The following STK32B variants were observed in gnomAD, a reference collection of about 807,000 sequenced individuals.
STK32B encodes serine/threonine-protein kinase 32B.
A neutral mutation model predicts 52.6 loss-of-function variants in STK32B; 43 were observed. That is an observed-to-expected ratio of 0.82 (90% CI 0.64 to 1.05). The LOEUF (loss-of-function observed/expected upper bound fraction) is 1.05, where lower values mean the gene tolerates loss of function less well. Ranked by LOEUF, STK32B falls within the 50% of genes least tolerant of loss-of-function variation. The pLI, the probability that STK32B is intolerant of heterozygous loss-of-function variation, is 0.00. For synonymous variants in STK32B, 238 were observed against 204.3 expected, an observed-to-expected ratio of 1.17 and a Z score of -1.41; for missense variants, 621 against 534.6, an observed-to-expected ratio of 1.16 and a Z score of -1.59.
intron 4 of STK32B, among the ~76,000 whole-genome samples, chr4:5,372,729 G>C (rs537201991): frequency 1.3e-5 from 2 of 149,626 alleles, no homozygotes; most frequent in African/African-American, 2.5e-5. Context: ...TTGGGGGGGG[G>C]GGCGGTTATT....
intron 1 of STK32B, among the ~76,000 whole-genome samples, chr4:5,060,168 G>A (rs184161763): frequency 3.4e-4 from 51 of 152,206 alleles, no homozygotes; most frequent in Non-Finnish European, 5.7e-4. Flanking sequence ...GTTTTTCCAC[G>A]TTAGTCAGGC....
intron 3 of STK32B, among the ~76,000 whole-genome samples, chr4:5,231,222 G>A (rs1054555967): frequency 1.3e-5 from 2 of 152,148 alleles, no homozygotes; most frequent in African/African-American, 2.4e-5. Context: ...GGAAGAGATC[G>A]TACATGTCTT....
At chr4:5,312,826 G>A (rs532780335) in intron 3 of STK32B, among the ~76,000 whole-genome samples, 135 of 152,024 alleles carry the variant, frequency 8.9e-4, no homozygotes, top group African/African-American at 2.7e-3. Context: ...TGGGTCAAAT[G>A]GTGTTTCTAG....
intron 3 of STK32B, among the ~76,000 whole-genome samples, chr4:5,284,114 A>G (rs867873358): frequency 2.2e-4 from 34 of 152,302 alleles, no homozygotes; most frequent in Middle Eastern, 6.8e-3. Context: ...GAGTGAATGC[A>G]TAAGTTTTTG....
chr4:5,160,563 A>C (rs1718360220), intron 2 of STK32B, among the ~76,000 whole-genome samples: 1 of 151,870 alleles, frequency 6.6e-6, no homozygotes, highest in Non-Finnish European at 1.5e-5. Flanking sequence ...CAAATCCCAT[A>C]TCTGGTTTAG....
At position 5,415,046 on chromosome 4, in the gene STK32B, C is replaced by A. The variant is rs150081839; in HGVS notation, c.473-1799C>A. Among the ~76,000 whole-genome samples, 24 of 152,276 alleles carry A rather than the reference C, an allele frequency of 1.6e-4. No individual in the cohort carries two copies. The East Asian group carries it at 4.6e-3, about 29-fold the overall frequency. On this transcript the variant is annotated intron_variant, in intron 5 of 11. Coordinates refer to ENST00000282908, the MANE Select transcript of STK32B (RefSeq NM_018401.3). ...TACAACATACACTCACCTTCACATG[C>A]CTCAAAGTGCAAAACAGTAATGAGT...
chr4:5,287,337 T>C (rs1728615244), intron 3 of STK32B, among the ~76,000 whole-genome samples: 1 of 152,224 alleles, frequency 6.6e-6, no homozygotes, highest in South Asian at 2.1e-4. Flanking sequence ...ATTTTCATTT[T>C]AATTTGCACT....
the STK32B span, among the ~76,000 whole-genome samples, chr4:5,036,819 C>G: frequency 6.6e-6 from 1 of 151,834 alleles, no homozygotes; most frequent in African/African-American, 2.4e-5. Context: ...AGGCGCCCAC[C>G]ACCACACCCG....
intron 3 of STK32B, among the ~76,000 whole-genome samples, chr4:5,258,475 C>T (rs952753058): frequency 5.3e-5 from 8 of 152,172 alleles, no homozygotes; most frequent in South Asian, 4.1e-4. Context: ...AGAGCCTGTG[C>T]CCTGCCTCCC....
intron 4 of STK32B, among the ~76,000 whole-genome samples, chr4:5,358,362 G>A (rs1429978874): frequency 1.3e-5 from 2 of 152,178 alleles, no homozygotes; most frequent in Admixed American, 6.5e-5. Flanking sequence ...AAAGCAAGAC[G>A]ATGAATGTGG....
chr4:5,277,952 G>C (rs777278580), intron 3 of STK32B, among the ~76,000 whole-genome samples: 1 of 152,182 alleles, frequency 6.6e-6, no homozygotes, highest in Non-Finnish European at 1.5e-5. Flanking sequence ...GAGTGACCTA[G>C]AAACGAAACT....
intron 8 of STK32B, among the ~76,000 whole-genome samples, chr4:5,457,495 G>A (rs1013962471): frequency 4.0e-5 from 6 of 151,412 alleles, no homozygotes; most frequent in Admixed American, 2.0e-4. Context: ...GATTACAGGC[G>A]TGAGCCACCG....
intron 4 of STK32B, among the ~76,000 whole-genome samples, chr4:5,339,433 A>C (rs1451456880): frequency 6.6e-6 from 1 of 152,216 alleles, no homozygotes; most frequent in East Asian, 1.9e-4. Context: ...TGGTTCATAA[A>C]TCCCCCTTTC....
At chr4:5,226,622 G>A (rs1196611193) in intron 3 of STK32B, among the ~76,000 whole-genome samples, 3 of 152,202 alleles carry the variant, frequency 2.0e-5, no homozygotes, top group African/African-American at 7.2e-5. Flanking sequence ...TCAACTGTCA[G>A]AGTTTTTCAA....
intron 3 of STK32B, among the ~76,000 whole-genome samples, chr4:5,307,650 C>A (rs1484436902): frequency 1.3e-5 from 2 of 149,992 alleles, no homozygotes; most frequent in Non-Finnish European, 2.9e-5. Flanking sequence ...TCATTTGGAT[C>A]TATTGCTGGT....
rs1295442391 is a variant in STK32B, at chr4:5,051,686, C to A, written c.-178C>A. 1 of 710,322 alleles carries A rather than the reference C, an allele frequency of 1.4e-6. No homozygotes were observed. The highest frequency in any genetic ancestry group is 3.9e-5 in the Admixed American group (1 of 25,328). 44.0% of individuals were successfully genotyped at this position (710,322 alleles called of 1,614,324 possible). A position where few individuals can be genotyped will look rare whatever the true frequency, so the allele number is the denominator to read the frequency against. ...CCTGCGAGCGCAGTCGGAAGGGCGT[C>A]CAGGAGAAGGGGGACGCCGTCCCCG... On this transcript the variant is annotated 5_prime_UTR_variant, in exon 1 of 12. Transcript: ENST00000282908.
At chr4:5,333,116 T>G (rs1732387694) in intron 4 of STK32B, among the ~76,000 whole-genome samples, 1 of 151,982 alleles carries the variant, frequency 6.6e-6, no homozygotes, top group Non-Finnish European at 1.5e-5. Context: ...CCACCAACAG[T>G]GTAAAAGTGT....
At chr4:5,200,487 A>G (rs1360771349) in intron 3 of STK32B, among the ~76,000 whole-genome samples, 1 of 152,092 alleles carries the variant, frequency 6.6e-6, no homozygotes, top group Non-Finnish European at 1.5e-5. Context: ...TTGCTCCCAC[A>G]TGCTCCCCTT....
chr4:5,390,200 G>A (rs1736511733), intron 4 of STK32B, among the ~76,000 whole-genome samples: 1 of 152,196 alleles, frequency 6.6e-6, no homozygotes, highest in African/African-American at 2.4e-5. Context: ...TAGTTGTGAG[G>A]ATTACACAAG....
Sources: gnomAD v4.1 joint callset for allele counts (sites outside exome capture counted in the v4.1 genomes callset) on GRCh38, gnomAD v4.1.1 for gene constraint, MANE v1.5 for transcripts, NCBI Gene and HGNC (gene_info 2026-07-23, HGNC 2026-07-21) for gene names.